Variants in LHFPL3 observed in about 807,000 individuals in gnomAD.
LHFPL3 encodes the protein LHFPL tetraspan subfamily member 3 protein.
In LHFPL3, 5 loss-of-function variants were observed where a neutral mutation model predicts 19.3. That is an observed-to-expected ratio of 0.26 (90% confidence interval 0.14 to 0.54). LHFPL3 has a LOEUF of 0.54. Among genes scored for constraint, LHFPL3 ranks in the 20% least tolerant of loss-of-function variants. The pLI is 0.94. For missense variants in LHFPL3, 249 were observed against 307.4 expected, an observed-to-expected ratio of 0.81 and a Z score of 1.42; for synonymous variants, 133 against 126.2, an observed-to-expected ratio of 1.05 and a Z score of -0.36.
At chr7:104,365,767 G>A (rs1358270179) in intron 1 of LHFPL3, among the ~76,000 whole-genome samples, 1 of 96,710 alleles carries the variant, frequency 1.0e-5, no homozygotes, top group Non-Finnish European at 2.1e-5. Context: ...CGGCCTGGGC[G>A]ACAGAGCGAG....
chr7:104,339,462 C>T (rs1789904279), intron 1 of LHFPL3, among the ~76,000 whole-genome samples: 2 of 152,138 alleles, frequency 1.3e-5, no homozygotes, highest in Admixed American at 1.3e-4. Flanking sequence ...AGACTCTTTC[C>T]CTGGCCTACG....
intron 1 of LHFPL3, among the ~76,000 whole-genome samples, chr7:104,376,224 C>CT (rs1790711427): frequency 6.6e-6 from 1 of 152,174 alleles, no homozygotes; most frequent in Non-Finnish European, 1.5e-5. Context: ...TTTGTGGGCA[C>CT]TTTTTGTGCC....
chr7:104,468,104 G>A (rs2115602361), intron 1 of LHFPL3, among the ~76,000 whole-genome samples: 1 of 152,300 alleles, frequency 6.6e-6, no homozygotes, highest in African/African-American at 2.4e-5. Context: ...GAAGTTATCT[G>A]AACTATTGAT....
chr7:104,337,055 G>A (rs1789824109), intron 1 of LHFPL3, among the ~76,000 whole-genome samples: 1 of 151,972 alleles, frequency 6.6e-6, no homozygotes, highest in South Asian at 2.1e-4. Context: ...CCTTCTGGAA[G>A]TAGTCTGCAG....
chr7:104,595,387 A>G (rs1790827150), intron 1 of LHFPL3, among the ~76,000 whole-genome samples: 1 of 152,208 alleles, frequency 6.6e-6, no homozygotes, highest in African/African-American at 2.4e-5. Context: ...AGAACAGCAA[A>G]TATTACAGAA....
intron 1 of LHFPL3, among the ~76,000 whole-genome samples, chr7:104,622,750 G>A (rs1485568534): frequency 1.3e-5 from 2 of 152,148 alleles, no homozygotes; most frequent in Non-Finnish European, 2.9e-5. Context: ...GGTCATAAAT[G>A]TTACAAATAA....
chr7:104,668,385 C>A lies in LHFPL3; in HGVS notation c.446-68290C>A, dbSNP rs1584470621. 8.8e-6 allele frequency: 14 copies of A among 1,593,928 alleles called. 1 individual carries two copies. Among genetic ancestry groups the A allele is most frequent in the Non-Finnish European group, 1.0e-5 (12 of 1,162,954 alleles). On this transcript the variant is annotated intron_variant, in intron 1 of 2. Coordinates refer to ENST00000424859, the MANE Select transcript of LHFPL3 (RefSeq NM_199000.3). ...TACAGACACCTTTGATGACTACCCA[C>A]CTAGAAGAGGTGATGATAGCTTTGG... is the stretch of plus-strand genomic sequence containing the variant.
Position 104,396,601 on chromosome 7 carries a change from G to A in LHFPL3, c.445+67377G>A, listed in dbSNP as rs537468732. Among the ~76,000 whole-genome samples, 12 of 146,626 alleles carry A rather than the reference G, an allele frequency of 8.2e-5. No individual in the cohort carries two copies. In the East Asian group the frequency reaches 2.4e-3, roughly 29 times the overall value. On this transcript the variant is annotated intron_variant, in intron 1 of 2. Transcript: ENST00000424859. ...TTTCTCCAGCCCATACCCTTCATTA[G>A]ATTCTCCTGCATTTTTGCCATGAAA...
chr7:104,748,621 C>G (rs1049606772), intron 2 of LHFPL3, among the ~76,000 whole-genome samples: 1 of 150,400 alleles, frequency 6.6e-6, no homozygotes, highest in African/African-American at 2.4e-5. Flanking sequence ...ATGCAAAGAC[C>G]TTTGTTCACG....
At chr7:104,630,065 G>A (rs1469774805) in intron 1 of LHFPL3, among the ~76,000 whole-genome samples, 3 of 152,120 alleles carry the variant, frequency 2.0e-5, no homozygotes, top group African/African-American at 4.8e-5. Context: ...CATAGTACCA[G>A]GTCCCTCAAG....
rs1791944911 is a variant in LHFPL3 at position 104,430,388 on chromosome 7, A to ATATATATACATG, written c.445+101172_445+101173insCATGTATATATA. On this transcript the variant is annotated intron_variant, in intron 1 of 2. Coordinates refer to ENST00000424859, the MANE Select transcript of LHFPL3 (RefSeq NM_199000.3). Reference sequence around the variant, plus strand: ...TCTGTGGGTATATATATATACATATATATATATATATATATACATATATAT... The same window carrying ATATATATACATG: ...TCTGTGGGTATATATATATACATATATATATATACATGTATATATATATATATACATATATAT... Among the ~76,000 whole-genome samples the ATATATATACATG allele has an allele frequency of 3.6e-4, 18 of 50,046 alleles. 1 individual carries two copies. Among genetic ancestry groups the ATATATATACATG allele is most frequent in the South Asian group, 1.3e-3 (2 of 1,488 alleles). The allele number at this position is 50,046 out of a possible 152,430, so 32.8% of individuals were successfully genotyped here. A position where few individuals can be genotyped will look rare whatever the true frequency, so the allele number is the denominator to read the frequency against.
chr7:104,415,857 G>A (rs192474329), intron 1 of LHFPL3, among the ~76,000 whole-genome samples: 45 of 152,250 alleles, frequency 3.0e-4, no homozygotes, highest in Non-Finnish European at 6.2e-4. Flanking sequence ...TCCAGAACAG[G>A]GTCCAATCAG....
At chr7:104,562,492 G>A (rs1221250960) in intron 1 of LHFPL3, among the ~76,000 whole-genome samples, 1 of 152,086 alleles carries the variant, frequency 6.6e-6, no homozygotes, top group Non-Finnish European at 1.5e-5. Flanking sequence ...TGAGGCTTCT[G>A]CATTCTTCAC....
intron 1 of LHFPL3, among the ~76,000 whole-genome samples, chr7:104,360,483 T>G (rs1012929253): frequency 6.6e-6 from 1 of 152,126 alleles, no homozygotes; most frequent in Non-Finnish European, 1.5e-5. Flanking sequence ...GGGAGGAAAC[T>G]GAGCAGGTGA....
At chr7:104,489,108 A>G (rs1584354791) in intron 1 of LHFPL3, among the ~76,000 whole-genome samples, 2 of 25,768 alleles carry the variant, frequency 7.8e-5, no homozygotes, top group Admixed American at 4.1e-4. Flanking sequence ...TTTGAGACGG[A>G]GTCTCGCTCT....
Position 104,474,306 on chromosome 7 carries a change from G to T in LHFPL3, c.445+145082G>T, listed in dbSNP as rs191675164. Among the ~76,000 whole-genome samples, 7 of 152,242 alleles carry T rather than the reference G, an allele frequency of 4.6e-5. No homozygotes were observed. The East Asian group carries it at 1.4e-3, about 29-fold the overall frequency. On this transcript the variant is annotated intron_variant, in intron 1 of 2. Coordinates refer to ENST00000424859, the MANE Select transcript of LHFPL3 (RefSeq NM_199000.3). ...TTGGGGAGCCAGTTCAATTCAACTG[G>T]ACAAATATTTGGGTGTGTATTATGA...
chr7:104,535,437 T>C (rs1794373690), intron 1 of LHFPL3, among the ~76,000 whole-genome samples: 1 of 152,172 alleles, frequency 6.6e-6, no homozygotes, highest in Non-Finnish European at 1.5e-5. Context: ...CATGCCCACA[T>C]AGGAGCTGGA....
intron 1 of LHFPL3, among the ~76,000 whole-genome samples, chr7:104,665,431 T>TA (rs571356882): frequency 1.0e-3 from 157 of 152,282 alleles, no homozygotes; most frequent in African/African-American, 3.6e-3. Flanking sequence ...TCCATTCCAT[T>TA]AAAAAAATGT....
chr7:104,738,376 G>A (rs2116308404), intron 2 of LHFPL3, among the ~76,000 whole-genome samples: 1 of 152,268 alleles, frequency 6.6e-6, no homozygotes, highest in Admixed American at 6.5e-5. Flanking sequence ...TACTTCAAAT[G>A]TAATGGTAAG....
Sources: gnomAD v4.1 joint callset for allele counts (sites outside exome capture counted in the v4.1 genomes callset) on GRCh38, gnomAD v4.1.1 for gene constraint, MANE v1.5 for transcripts, NCBI Gene and HGNC (gene_info 2026-07-23, HGNC 2026-07-21) for gene names.